PHF24: variants seen among roughly 807,000 people sequenced by gnomAD.
The protein encoded by PHF24 is Galpha inhibitory interacting protein.
A neutral mutation model predicts 42.6 loss-of-function variants in PHF24; 25 were observed. The ratio of observed to expected loss-of-function variants is 0.59; its 90% CI spans 0.43 to 0.82. The LOEUF (loss-of-function observed/expected upper bound fraction) is 0.82, where lower values mean the gene tolerates loss of function less well. Among genes scored for constraint, PHF24 ranks in the 40% least tolerant of loss-of-function variants. The pLI, the probability that PHF24 is intolerant of heterozygous loss-of-function variation, is 0.00. For missense variants in PHF24, 470 were observed against 538.1 expected, an observed-to-expected ratio of 0.87 and a Z score of 1.25; for synonymous variants, 185 against 204.8, an observed-to-expected ratio of 0.90 and a Z score of 0.83.
chr9:34,872,328 G>T, the PHF24 span, among the ~76,000 whole-genome samples: 1 of 147,662 alleles, frequency 6.8e-6, no homozygotes, highest in Non-Finnish European at 1.5e-5. Flanking sequence ...CTAGCATTAG[G>T]TATATCTCCC....
the PHF24 span, among the ~76,000 whole-genome samples, chr9:34,715,072 T>C: frequency 6.6e-6 from 1 of 152,030 alleles, no homozygotes; most frequent in Non-Finnish European, 1.5e-5. Flanking sequence ...GTCTGTCTGC[T>C]TGGTGCTGGA....
chr9:34,923,049 G>GTT, the PHF24 span: 711 of 385,042 alleles, frequency 1.8e-3, no homozygotes, highest in South Asian at 3.2e-3. Flanking sequence ...TTTTGTTTTT[G>GTT]TTTTTTTTTT....
At chr9:34,759,408 A>C in the PHF24 span, among the ~76,000 whole-genome samples, 2 of 152,118 alleles carry the variant, frequency 1.3e-5, no homozygotes, top group Non-Finnish European at 2.9e-5. Flanking sequence ...GTGCAACCTC[A>C]TGCGGCCCTG....
At chr9:34,709,604 ATG>A in the PHF24 span, 1 of 1,613,970 alleles carries the variant, frequency 6.2e-7, no homozygotes, top group Non-Finnish European at 8.5e-7. Flanking sequence ...TCTTGTCCAG[ATG>A]CTGCATCAGC....
chr9:34,865,142 G>GC, the PHF24 span, among the ~76,000 whole-genome samples: 7 of 55,106 alleles, frequency 1.3e-4, no homozygotes, highest in African/African-American at 6.2e-4. Flanking sequence ...TTGCGCCACT[G>GC]CAAAAAAAAA....
the PHF24 span, among the ~76,000 whole-genome samples, chr9:34,708,098 T>A: frequency 6.6e-6 from 1 of 152,102 alleles, no homozygotes; most frequent in South Asian, 2.1e-4. Context: ...TCTGGCCCAA[T>A]CTGATGGCTT....
the PHF24 span, among the ~76,000 whole-genome samples, chr9:34,801,183 G>C: frequency 6.6e-6 from 1 of 152,198 alleles, no homozygotes; most frequent in African/African-American, 2.4e-5. Context: ...CGAGGCTGTA[G>C]AGAAACAGGA....
chr9:34,977,679 T>A, intron 7 of PHF24, 38 bp downstream of exon 7: 1 of 1,498,168 alleles, frequency 6.7e-7, no homozygotes, highest in East Asian at 2.4e-5. Context: ...TTGTACCCTC[T>A]GAACCCCCAC....
chr9:34,934,827 T>C, the PHF24 span, among the ~76,000 whole-genome samples: 1 of 152,166 alleles, frequency 6.6e-6, no homozygotes, highest in African/African-American at 2.4e-5. Flanking sequence ...AATGTAGCAG[T>C]CATGACAATG....
the PHF24 span, among the ~76,000 whole-genome samples, chr9:34,911,529 G>A: frequency 6.6e-6 from 1 of 152,216 alleles, no homozygotes; most frequent in Non-Finnish European, 1.5e-5. Context: ...CGGGATTACA[G>A]GCGTGAGCCA....
At chr9:34,848,264 G>A in the PHF24 span, among the ~76,000 whole-genome samples, 1 of 151,628 alleles carries the variant, frequency 6.6e-6, no homozygotes, top group African/African-American at 2.4e-5. Flanking sequence ...GTTGATTATT[G>A]CCACAATTTC....
upstream of PHF24, among the ~76,000 whole-genome samples, chr9:34,955,521 C>A (rs4292784): frequency 0.78 from 119,385 of 152,122 alleles, 47,188 homozygotes; most frequent in East Asian, 0.97. Flanking sequence ...TACCAAAAAT[C>A]CAAAAATTAG....
At chr9:34,699,166 A>G in the PHF24 span, among the ~76,000 whole-genome samples, 3 of 152,250 alleles carry the variant, frequency 2.0e-5, no homozygotes, top group Non-Finnish European at 4.4e-5. Context: ...AGAAGGTATG[A>G]ATAAAGCATG....
At chr9:34,726,984 C>T in the PHF24 span, 7 of 1,545,332 alleles carry the variant, frequency 4.5e-6, no homozygotes, top group Non-Finnish European at 8.8e-7. Flanking sequence ...GGAAGCCAGC[C>T]CTGGCTAGGA....
chr9:34,874,029 T>A, the PHF24 span, among the ~76,000 whole-genome samples: 1 of 152,220 alleles, frequency 6.6e-6, no homozygotes, highest in Non-Finnish European at 1.5e-5. Flanking sequence ...TGCTTGTGAT[T>A]TTTGCACATT....
chr9:34,975,030 A>G (rs1587478239), intron 3 of PHF24, among the ~76,000 whole-genome samples: 1 of 152,110 alleles, frequency 6.6e-6, no homozygotes, highest in Admixed American at 6.5e-5. Context: ...GGCAGCCCCC[A>G]ACTGCTCTCC....
chr9:34,854,905 G>T, the PHF24 span, among the ~76,000 whole-genome samples: 4 of 152,188 alleles, frequency 2.6e-5, no homozygotes, highest in African/African-American at 9.6e-5. Context: ...TATTGTGTGG[G>T]AGTCTAAGTC....
the PHF24 span, among the ~76,000 whole-genome samples, chr9:34,787,962 T>G: frequency 6.6e-6 from 1 of 152,166 alleles, no homozygotes; most frequent in Non-Finnish European, 1.5e-5. Flanking sequence ...ATTACAAAAA[T>G]TAATAATAGA....
the PHF24 span, among the ~76,000 whole-genome samples, chr9:34,936,030 GCTCCCGCTCCCGCTCCCACCCCCT>G: frequency 2.2e-5 from 3 of 135,542 alleles, no homozygotes; most frequent in African/African-American, 9.2e-5. Flanking sequence ...TCCCTCTCCC[GCTCCCGCTCCCGCTCCCACCCCCT>G]CTCCCTCTCC....
Sources: allele counts gnomAD v4.1 joint callset (sites outside exome capture counted in the v4.1 genomes callset), GRCh38; gene constraint gnomAD v4.1.1; transcripts MANE v1.5; gene names NCBI Gene and HGNC (gene_info 2026-07-23, HGNC 2026-07-21).